PHACTR3: variants seen among roughly 807,000 people sequenced by gnomAD.
PHACTR3 encodes phosphatase and actin regulator 3.
Under a neutral mutation model 66.8 loss-of-function variants are expected in PHACTR3, and 16 were observed. That is an observed-to-expected ratio of 0.24 (90% CI 0.16 to 0.36). The LOEUF is 0.36. PHACTR3 is among the 10% of genes least tolerant of loss of function. PHACTR3 has a pLI of 1.00. For missense variants in PHACTR3, 647 were observed against 719.9 expected (o/e 0.90, Z 1.16); for synonymous variants, 323 against 292.1 (o/e 1.11, Z -1.08).
At chr20:59,783,128 G>A (rs1035013067) in intron 7 of PHACTR3, among the ~76,000 whole-genome samples, 2 of 152,180 alleles carry the variant, frequency 1.3e-5, no homozygotes, top group African/African-American at 4.8e-5. Flanking sequence ...CCCCACAGTC[G>A]TCTCCATGGT....
chr20:59,769,548 T>A (rs1173299138), intron 5 of PHACTR3, among the ~76,000 whole-genome samples: 1 of 152,012 alleles, frequency 6.6e-6, no homozygotes, highest in African/African-American at 2.4e-5. Flanking sequence ...ACTGTGAGAG[T>A]TGTTCTGTTG....
intron 2 of PHACTR3, among the ~76,000 whole-genome samples, chr20:59,746,705 C>T (rs767617445): frequency 2.0e-5 from 3 of 152,218 alleles, no homozygotes; most frequent in African/African-American, 4.8e-5. Context: ...GTCTGTTCCC[C>T]GGCAGCTGGC....
intron 1 of PHACTR3, among the ~76,000 whole-genome samples, chr20:59,737,955 C>T (rs189672133): frequency 6.0e-4 from 92 of 152,236 alleles, no homozygotes; most frequent in Non-Finnish European, 9.7e-4. Flanking sequence ...GTGTCAGAGA[C>T]GGGGTGGGAA....
chr20:59,580,724 G>C (rs140352390), intron 1 of PHACTR3, among the ~76,000 whole-genome samples: 3 of 152,140 alleles, frequency 2.0e-5, no homozygotes, highest in Non-Finnish European at 4.4e-5. Flanking sequence ...GCTCAGAGTC[G>C]GGGCTGGGCA....
At chr20:59,723,744 G>C (rs1250112398) in intron 1 of PHACTR3, among the ~76,000 whole-genome samples, 1 of 151,928 alleles carries the variant, frequency 6.6e-6, no homozygotes, top group Non-Finnish European at 1.5e-5. Context: ...TCGGTCTTTG[G>C]GCAATGGTAA....
At chr20:59,836,653 C>CA (rs2058972910) in intron 9 of PHACTR3, 93 bp downstream of exon 9, 2 of 1,248,964 alleles carry the variant, frequency 1.6e-6, no homozygotes, top group Non-Finnish European at 2.3e-6. Flanking sequence ...CCCTTCTCTG[C>CA]AAGCGGAATG....
intron 1 of PHACTR3, among the ~76,000 whole-genome samples, chr20:59,640,602 C>T (rs1419233860): frequency 6.6e-6 from 1 of 152,198 alleles, no homozygotes; most frequent in Non-Finnish European, 1.5e-5. Flanking sequence ...ATGTGCGTGA[C>T]TGTCAGCTCT....
intron 1 of PHACTR3, among the ~76,000 whole-genome samples, chr20:59,627,192 G>A (rs966625983): frequency 6.6e-6 from 1 of 152,320 alleles, no homozygotes; most frequent in Non-Finnish European, 1.5e-5. Context: ...GGAGCTTTCA[G>A]AGAATGCAAC....
intron 6 of PHACTR3, 49 bp downstream of exon 6, chr20:59,773,502 TG>T: frequency 6.5e-7 from 1 of 1,532,326 alleles, no homozygotes; most frequent in East Asian, 2.4e-5. Context: ...AATCCCTGCC[TG>T]GCCAGCCTCA....
intron 1 of PHACTR3, among the ~76,000 whole-genome samples, chr20:59,681,577 A>G (rs1264771297): frequency 1.3e-5 from 2 of 152,274 alleles, no homozygotes; most frequent in Admixed American, 1.3e-4. Context: ...CATATATTCA[A>G]GAGCCAAACA....
intron 11 of PHACTR3, 194 bp from the exon 12 acceptor site, chr20:59,844,995 G>A: frequency 2.3e-6 from 1 of 443,620 alleles, no homozygotes; most frequent in Non-Finnish European, 4.2e-6. Flanking sequence ...CAGAATATTA[G>A]CTACATACTA....
At chr20:59,728,307 C>T (rs868399668) in intron 1 of PHACTR3, among the ~76,000 whole-genome samples, 17 of 152,148 alleles carry the variant, frequency 1.1e-4, no homozygotes, top group African/African-American at 4.1e-4. Flanking sequence ...CTGGTAAGAG[C>T]GTAACATGGT....
chr20:59,725,951 C>T (rs6070930), intron 1 of PHACTR3, among the ~76,000 whole-genome samples: 10,832 of 152,194 alleles, frequency 0.071, 609 homozygotes, highest in Non-Finnish European at 0.11. Flanking sequence ...TGACAGTATC[C>T]GCTTGGGGTC....
chr20:59,609,564 C>G (rs977950880), intron 1 of PHACTR3, among the ~76,000 whole-genome samples: 2 of 150,366 alleles, frequency 1.3e-5, no homozygotes, highest in Non-Finnish European at 3.0e-5. Context: ...TTCTCTTCCT[C>G]TTACCGGTTT....
intron 8 of PHACTR3, among the ~76,000 whole-genome samples, chr20:59,821,945 T>C (rs1257537192): frequency 2.8e-5 from 4 of 143,594 alleles, no homozygotes; most frequent in African/African-American, 1.1e-4. Context: ...CAAACACAGC[T>C]ACCCCCTCCC....
chr20:59,635,535 G>A (rs1396117804), intron 1 of PHACTR3, among the ~76,000 whole-genome samples: 3 of 151,938 alleles, frequency 2.0e-5, no homozygotes, highest in Non-Finnish European at 4.4e-5. Flanking sequence ...TGCCCGGCCT[G>A]CTCCTTGCTT....
At chr20:59,814,337 G>C (rs879349547) in intron 8 of PHACTR3, among the ~76,000 whole-genome samples, 8 of 152,208 alleles carry the variant, frequency 5.3e-5, no homozygotes, top group Non-Finnish European at 1.2e-4. Context: ...GTGGCTGAGG[G>C]AGGAGGGCCT....
intron 1 of PHACTR3, among the ~76,000 whole-genome samples, chr20:59,644,021 C>T (rs1271087629): frequency 6.6e-6 from 1 of 152,162 alleles, no homozygotes; most frequent in Non-Finnish European, 1.5e-5. Context: ...AGCAAGAGAC[C>T]TGGAACGTTC....
exon 1 of PHACTR3, chr20:59,577,509 A>T (rs1170222153): frequency 5.4e-6 from 6 of 1,110,724 alleles, no homozygotes; most frequent in Non-Finnish European, 6.6e-6. Context: ...CTCCGGCGGG[A>T]TGCGTGGCCG....
Sources: allele counts gnomAD v4.1 joint callset (sites outside exome capture counted in the v4.1 genomes callset), GRCh38; gene constraint gnomAD v4.1.1; transcripts MANE v1.5; gene names NCBI Gene and HGNC (gene_info 2026-07-23, HGNC 2026-07-21).